The following GLIS3 variants were observed in gnomAD, a reference collection of about 807,000 sequenced individuals.
GLIS3 encodes zinc finger protein GLIS3.
GLIS3 carries 53 observed loss-of-function variants against 78.6 expected under a neutral mutation model. The observed-to-expected ratio is 0.67, with a 90% CI of 0.54 to 0.85. The LOEUF is 0.85. GLIS3 is among the 40% of genes least tolerant of loss of function. The pLI, the probability that GLIS3 is intolerant of heterozygous loss-of-function variation, is 0.00. For synonymous variants in GLIS3, 684 were observed against 509.9 expected, an observed-to-expected ratio of 1.34 and a Z score of -4.60; for missense variants, 1,703 against 1,231.1, an observed-to-expected ratio of 1.38 and a Z score of -5.74.
the GLIS3 span, among the ~76,000 whole-genome samples, chr9:4,354,713 T>C: frequency 6.6e-6 from 1 of 152,168 alleles, no homozygotes; most frequent in Admixed American, 6.5e-5. Context: ...GATGCATAAG[T>C]GTCCCTGAGC....
chr9:3,850,182 C>T (rs1310648896), intron 9 of GLIS3, among the ~76,000 whole-genome samples: 2 of 152,096 alleles, frequency 1.3e-5, no homozygotes, highest in Non-Finnish European at 2.9e-5. Flanking sequence ...AAAAATCACA[C>T]AAAATAGACT....
chr9:3,894,911 C>A (rs372333103), intron 7 of GLIS3, among the ~76,000 whole-genome samples: 7 of 152,290 alleles, frequency 4.6e-5, no homozygotes, highest in African/African-American at 1.7e-4. Flanking sequence ...CTGTGGGACT[C>A]AAACATCTCA....
At chr9:4,488,002 C>T in the GLIS3 span, among the ~76,000 whole-genome samples, 1 of 152,148 alleles carries the variant, frequency 6.6e-6, no homozygotes. Flanking sequence ...CTATGGTAGA[C>T]ACTTTGGAAA....
rs140331534 is a variant in GLIS3 at position 4,198,255 on chromosome 9, C to G, written c.389-72314G>C. On this transcript the variant is annotated intron_variant, in intron 2 of 10. Coordinates refer to ENST00000381971, the MANE Select transcript of GLIS3 (RefSeq NM_001042413.2). ...AGGTTGAAAAAGCAACACAAAGAAA[C>G]TTTGTAAGGCAATCCAGGAAATGAA... Among the ~76,000 whole-genome samples, 16 of 152,258 alleles carry G rather than the reference C, an allele frequency of 1.1e-4. No homozygotes were observed. The East Asian group carries it at 2.9e-3, about 28-fold the overall frequency.
At chr9:4,076,433 C>G (rs1470206280) in intron 4 of GLIS3, among the ~76,000 whole-genome samples, 3 of 152,134 alleles carry the variant, frequency 2.0e-5, no homozygotes, top group Non-Finnish European at 4.4e-5. Flanking sequence ...TTCCTATGCT[C>G]CCATACCTAA....
intron 2 of GLIS3, among the ~76,000 whole-genome samples, chr9:4,234,169 G>C (rs909820835): frequency 6.6e-6 from 1 of 152,146 alleles, no homozygotes; most frequent in African/African-American, 2.4e-5. Context: ...GTGTTCATGG[G>C]AGGAGCACTT....
chr9:3,898,795 T>C lies in GLIS3; in HGVS notation c.2024A>G (p.Asp675Gly), dbSNP rs779710501. 7.4e-6 allele frequency: 12 copies of C among 1,614,110 alleles called. No homozygotes were observed. The highest frequency in any genetic ancestry group is 1.0e-5 in the Non-Finnish European group (12 of 1,180,010). The change falls in exon 7 of 11, where the codon GAT becomes GGT. Residue 675 changes from aspartate to glycine, a missense_variant. Physicochemically the swap from Asp to Gly is moderately conservative, Grantham distance 94. Transcript: ENST00000381971. The stretch of plus-strand genomic sequence containing the variant: ...CTGCAGGGACTGCACGGTGAGGCAA[T>C]CTGTGAGCAGGTCTGGATGGAGCTC... ...STELHPDLLT[D>G]CLTVQSLQPA...
At chr9:4,316,365 T>C (rs1485861328) in intron 2 of GLIS3, among the ~76,000 whole-genome samples, 1 of 152,244 alleles carries the variant, frequency 6.6e-6, no homozygotes, top group Non-Finnish European at 1.5e-5. Context: ...TTAACTGGAC[T>C]GACTTTATTG....
At chr9:4,132,453 G>C (rs575728639) in intron 2 of GLIS3, among the ~76,000 whole-genome samples, 1 of 152,210 alleles carries the variant, frequency 6.6e-6, no homozygotes, top group South Asian at 2.1e-4. Flanking sequence ...GCATCATTCA[G>C]AACTATTTAT....
At chr9:4,317,326 A>G (rs1213938617) in intron 2 of GLIS3, among the ~76,000 whole-genome samples, 1 of 152,102 alleles carries the variant, frequency 6.6e-6, no homozygotes, top group Non-Finnish European at 1.5e-5. Flanking sequence ...TCTTCCAGAG[A>G]GTTTTTTACA....
chr9:3,852,162 A>AG (rs1172577294), intron 9 of GLIS3, among the ~76,000 whole-genome samples: 1 of 152,012 alleles, frequency 6.6e-6, no homozygotes, highest in Non-Finnish European at 1.5e-5. Flanking sequence ...AAAAAAAAAA[A>AG]GAATATGGCT....
chr9:4,016,515 G>A (rs997739287), intron 4 of GLIS3, among the ~76,000 whole-genome samples: 52 of 152,228 alleles, frequency 3.4e-4, no homozygotes, highest in Admixed American at 3.2e-3. Context: ...AATGCCAATG[G>A]GGCATTTCAG....
the GLIS3 span, among the ~76,000 whole-genome samples, chr9:4,393,203 T>C: frequency 6.6e-6 from 1 of 152,352 alleles, no homozygotes; most frequent in Admixed American, 6.5e-5. Flanking sequence ...CCATTTGCTG[T>C]ACATACCTGT....
chr9:4,305,609 C>T (rs1817207570), intron 4 of GLIS3: 1 of 152,202 alleles, frequency 6.6e-6, no homozygotes, highest in South Asian at 2.1e-4. Context: ...TTCCCCTGGC[C>T]ATAGGGATTG....
At chr9:4,074,726 C>A (rs1827903910) in intron 4 of GLIS3, among the ~76,000 whole-genome samples, 1 of 152,162 alleles carries the variant, frequency 6.6e-6, no homozygotes, top group South Asian at 2.1e-4. Flanking sequence ...TAACTTAAAG[C>A]AACATCATAG....
chr9:4,395,572 T>G, the GLIS3 span, among the ~76,000 whole-genome samples: 1 of 152,124 alleles, frequency 6.6e-6, no homozygotes. Context: ...GTGATACCTC[T>G]CCTTCGTCCC....
chr9:4,351,074 C>T (rs1817964886), upstream of GLIS3, among the ~76,000 whole-genome samples: 1 of 152,024 alleles, frequency 6.6e-6, no homozygotes, highest in African/African-American at 2.4e-5. Context: ...TATAATAATC[C>T]ATTTCTTTCT....
chr9:4,201,901 C>A (rs551777699), intron 2 of GLIS3, among the ~76,000 whole-genome samples: 2 of 151,994 alleles, frequency 1.3e-5, no homozygotes, highest in African/African-American at 4.8e-5. Flanking sequence ...TTTGAGAGGC[C>A]GAGGCAGGAA....
intron 2 of GLIS3, among the ~76,000 whole-genome samples, chr9:4,138,481 G>T (rs776106282): frequency 6.6e-6 from 1 of 152,278 alleles, no homozygotes; most frequent in East Asian, 1.9e-4. Context: ...ACTGGAGGAG[G>T]CTTAGTAGAG....
Sources: allele counts gnomAD v4.1 joint callset (sites outside exome capture counted in the v4.1 genomes callset), GRCh38; gene constraint gnomAD v4.1.1; transcripts MANE v1.5; gene names NCBI Gene and HGNC (gene_info 2026-07-23, HGNC 2026-07-21).